PEBP4: variants seen among roughly 807,000 people sequenced by gnomAD.
PEBP4 encodes the protein phosphatidylethanolamine-binding protein 4.
A neutral mutation model predicts 23.9 loss-of-function variants in PEBP4; 22 were observed. The ratio of observed to expected loss-of-function variants is 0.92; its 90% CI spans 0.66 to 1.31. PEBP4 has a LOEUF of 1.31. PEBP4 is among the 40% of genes most tolerant of loss of function. The pLI is 0.00. For synonymous variants in PEBP4, 112 were observed against 99.3 expected, an observed-to-expected ratio of 1.13 and a Z score of -0.76; for missense variants, 324 against 281.7, an observed-to-expected ratio of 1.15 and a Z score of -1.07.
intron 3 of PEBP4, chr8:22,886,150 A>G (rs762502044): frequency 6.6e-6 from 1 of 152,212 alleles, no homozygotes; most frequent in Non-Finnish European, 1.5e-5. Flanking sequence ...AGGACTGTCA[A>G]ATGAGTAAGC....
rs556442795 is a variant in PEBP4, at chr8:22,902,474, T to C, written c.258+17710A>G. Among the ~76,000 whole-genome samples the C allele has an allele frequency of 9.7e-3, 1,469 of 151,532 alleles. 21 individuals are homozygous for C. The highest frequency in any genetic ancestry group is 0.034 in the African/African-American group (1,399 of 40,978). On this transcript the variant is annotated intron_variant, in intron 3 of 6. Coordinates refer to ENST00000256404, the MANE Select transcript of PEBP4 (RefSeq NM_144962.3). ...TGAGGCAGATAGGGTGCTCTGAATG[T>C]GTCCATGAGACCTTGGTGAGGATAT...
intron 4 of PEBP4, among the ~76,000 whole-genome samples, chr8:22,798,977 A>G (rs1026313448): frequency 1.1e-4 from 17 of 151,970 alleles, no homozygotes; most frequent in African/African-American, 4.1e-4. Context: ...ACCTCAAGTG[A>G]TCTGCCCATC....
At chr8:22,916,011 G>C (rs187734006) in intron 3 of PEBP4, among the ~76,000 whole-genome samples, 21 of 152,336 alleles carry the variant, frequency 1.4e-4, no homozygotes, top group Middle Eastern at 3.4e-3. Flanking sequence ...GCTGCGGCTA[G>C]AGGCCTGGGC....
intron 6 of PEBP4, among the ~76,000 whole-genome samples, chr8:22,717,790 G>A (rs1300458572): frequency 6.6e-6 from 1 of 152,162 alleles, no homozygotes; most frequent in East Asian, 1.9e-4. Context: ...CTTGTTGGGG[G>A]ATGGTGGCCC....
intron 4 of PEBP4, among the ~76,000 whole-genome samples, chr8:22,792,193 A>G (rs1015617813): frequency 2.0e-5 from 3 of 152,096 alleles, no homozygotes; most frequent in African/African-American, 7.2e-5. Context: ...AACACATGTG[A>G]GGGAATCTGT....
At chr8:22,906,451 A>G (rs1355072613) in intron 3 of PEBP4, among the ~76,000 whole-genome samples, 5 of 152,230 alleles carry the variant, frequency 3.3e-5, no homozygotes, top group Non-Finnish European at 7.3e-5. Context: ...CTCTTCAACC[A>G]GGGATAAAGT....
intron 4 of PEBP4, among the ~76,000 whole-genome samples, chr8:22,755,520 G>C (rs1805362329): frequency 6.6e-6 from 1 of 151,932 alleles, no homozygotes; most frequent in Non-Finnish European, 1.5e-5. Flanking sequence ...ATTTTTAGTA[G>C]AGATGGGGTT....
At chr8:22,929,096 T>C (rs932847838), upstream of PEBP4, among the ~76,000 whole-genome samples, 8 of 152,214 alleles carry the variant, frequency 5.3e-5, no homozygotes, top group South Asian at 4.1e-4. Flanking sequence ...CCTCACAAGA[T>C]CATTATGAGA....
chr8:22,906,539 C>G (rs77991236), intron 3 of PEBP4, among the ~76,000 whole-genome samples: 3,993 of 152,360 alleles, frequency 0.026, 73 homozygotes, highest in Non-Finnish European at 0.041. Flanking sequence ...ACCCCTCTGT[C>G]TTGAGTCCCA....
At chr8:22,825,988 C>T (rs572114252) in intron 3 of PEBP4, among the ~76,000 whole-genome samples, 1 of 152,232 alleles carries the variant, frequency 6.6e-6, no homozygotes, top group Non-Finnish European at 1.5e-5. Context: ...AATAGTCAAA[C>T]CCACAGAAGC....
At chr8:22,807,032 T>A (rs1424950351) in intron 4 of PEBP4, among the ~76,000 whole-genome samples, 2 of 152,212 alleles carry the variant, frequency 1.3e-5, no homozygotes, top group Admixed American at 1.3e-4. Flanking sequence ...TGAATTCCGA[T>A]GTTTTGATGA....
chr8:22,877,501 T>A (rs1342980675), intron 3 of PEBP4, among the ~76,000 whole-genome samples: 1 of 152,134 alleles, frequency 6.6e-6, no homozygotes, highest in Non-Finnish European at 1.5e-5. Flanking sequence ...AGGCACTGAC[T>A]TTGTCTCTCC....
intron 3 of PEBP4, among the ~76,000 whole-genome samples, chr8:22,853,297 C>T (rs1183119138): frequency 6.6e-6 from 1 of 152,128 alleles, no homozygotes; most frequent in Non-Finnish European, 1.5e-5. Flanking sequence ...GTGAAAACAC[C>T]CTGCAAGACC....
intron 3 of PEBP4, among the ~76,000 whole-genome samples, chr8:22,859,725 C>T (rs192662481): frequency 6.6e-6 from 1 of 152,290 alleles, no homozygotes; most frequent in Admixed American, 6.5e-5. Flanking sequence ...TGCCTCATCT[C>T]CTATTATGTC....
chr8:22,901,769 G>C (rs994557018), intron 3 of PEBP4, among the ~76,000 whole-genome samples: 19 of 152,184 alleles, frequency 1.2e-4, no homozygotes, highest in African/African-American at 4.1e-4. Flanking sequence ...TGTACTTAGC[G>C]AGGGCACCGT....
intron 4 of PEBP4, among the ~76,000 whole-genome samples, chr8:22,817,278 G>C (rs974802954): frequency 1.3e-5 from 2 of 152,232 alleles, no homozygotes; most frequent in African/African-American, 4.8e-5. Flanking sequence ...GTGTGCTGAA[G>C]CCAATTGTTA....
intron 4 of PEBP4, among the ~76,000 whole-genome samples, chr8:22,797,403 G>A (rs2128758042): frequency 6.6e-6 from 1 of 152,036 alleles, no homozygotes; most frequent in African/African-American, 2.4e-5. Flanking sequence ...TACCTGGGAG[G>A]ACACCGAGGC....
At chr8:22,889,197 G>T (rs751791232) in intron 3 of PEBP4, among the ~76,000 whole-genome samples, 3 of 152,204 alleles carry the variant, frequency 2.0e-5, no homozygotes, top group Non-Finnish European at 2.9e-5. Flanking sequence ...GCTACAAAAT[G>T]GGGATAATTT....
intron 4 of PEBP4, among the ~76,000 whole-genome samples, chr8:22,731,650 TATC>T (rs1804735591): frequency 7.6e-6 from 1 of 131,430 alleles, no homozygotes; most frequent in Non-Finnish European, 1.6e-5. Context: ...TTTATCTATC[TATC>T]TATTTATTTA....
Sources: gnomAD v4.1 joint callset for allele counts (sites outside exome capture counted in the v4.1 genomes callset) on GRCh38, gnomAD v4.1.1 for gene constraint, MANE v1.5 for transcripts, NCBI Gene and HGNC (gene_info 2026-07-23, HGNC 2026-07-21) for gene names.